SIVA1: variants seen among roughly 807,000 people sequenced by gnomAD.
SIVA1 encodes the protein apoptosis regulatory protein Siva.
In SIVA1, 10 loss-of-function variants were observed where a neutral mutation model predicts 19.7. The observed-to-expected ratio is 0.51, with a 90% CI of 0.31 to 0.86. The LOEUF (loss-of-function observed/expected upper bound fraction) is 0.86, where lower values mean the gene tolerates loss of function less well. Among genes scored for constraint, SIVA1 ranks in the 40% least tolerant of loss-of-function variants. SIVA1 has a pLI of 0.04. For missense variants in SIVA1, 241 were observed against 245.2 expected (o/e 0.98, Z 0.11); for synonymous variants, 130 against 106.1 (o/e 1.23, Z -1.39).
Position 104,759,046 on chromosome 14 carries a change from A to G in SIVA1, c.471-382A>G, listed in dbSNP as rs1891997655. 6.0e-6 allele frequency: 1 copy of G among 167,366 alleles called. No homozygotes were observed. The highest frequency in any genetic ancestry group is 2.4e-5 in the African/African-American group (1 of 41,990). 10.4% of individuals were successfully genotyped at this position (167,366 alleles called of 1,614,324 possible). ...ACTGCCACGTGGCTTTGGAGACCAG[A>G]AGTCTGAGAGGAAGGTGCTGGCAGG... On this transcript the variant is annotated intron_variant, in intron 3 of 3. Coordinates refer to ENST00000329967, the MANE Select transcript of SIVA1 (RefSeq NM_006427.4). The surrounding 1 kb of genome is among the most constrained non-coding windows in gnomAD (Gnocchi z 4.2).
At position 104,756,591 on chromosome 14, in the gene SIVA1, T is replaced by A. The variant is rs752058878; in HGVS notation, c.314-13T>A. Reference sequence around the variant, plus strand: ...TCCTTGCAGCCTGACGGCTTGGCGTTTCTTCCTCACAGACCCATCTGGGGT... The same window carrying A: ...TCCTTGCAGCCTGACGGCTTGGCGTATCTTCCTCACAGACCCATCTGGGGT... On this transcript the variant is annotated splice_polypyrimidine_tract_variant and intron_variant, in intron 2 of 3. Coordinates refer to ENST00000329967, the MANE Select transcript of SIVA1 (RefSeq NM_006427.4). The A allele has an allele frequency of 6.2e-7, 1 of 1,614,082 alleles. No homozygotes were observed. The highest frequency in any genetic ancestry group is 8.5e-7 in the Non-Finnish European group (1 of 1,180,014).
At chr14:104,753,953 T>C (rs1891799681) in intron 1 of SIVA1, 1 of 317,378 alleles carries the variant, frequency 3.2e-6, no homozygotes, top group East Asian at 8.8e-5. Context: ...CTGAGCGGAA[T>C]CCTGTGGGGG....
intron 3 of SIVA1, chr14:104,757,445 T>A: frequency 4.0e-6 from 1 of 249,224 alleles, no homozygotes; most frequent in South Asian, 3.4e-5. Flanking sequence ...ACATGTTACA[T>A]CTCGAGTCCT....
Position 104,756,334 on chromosome 14 carries a change from G to A in SIVA1, c.314-270G>A, listed in dbSNP as rs1891887027. 2.4e-5 allele frequency: 13 copies of A among 548,202 alleles called. No individual in the cohort carries two copies. The South Asian group carries it at 2.6e-4, about 11-fold the overall frequency. The allele number at this position is 548,202 out of a possible 1,614,324, so 34.0% of individuals were successfully genotyped here. A position where few individuals can be genotyped will look rare whatever the true frequency, so the allele number is the denominator to read the frequency against. On this transcript the variant is annotated intron_variant, in intron 2 of 3. Coordinates refer to ENST00000329967, the MANE Select transcript of SIVA1 (RefSeq NM_006427.4). ...GGGAAGAATGGTCCTTCCAGCACTA[G>A]CCTCCAGGTAGCAGAGGGACCTGGT... is the stretch of plus-strand genomic sequence containing the variant.
At chr14:104,757,251 TG>T in intron 3 of SIVA1, 1 of 418,930 alleles carries the variant, frequency 2.4e-6, no homozygotes, top group Admixed American at 2.9e-5. Flanking sequence ...ACTCCTAAGG[TG>T]GGGAGGGGCG....
chr14:104,755,437 C>T (rs1038204817), intron 1 of SIVA1, among the ~76,000 whole-genome samples, 193 bp from the exon 2 acceptor site: 4 of 152,134 alleles, frequency 2.6e-5, no homozygotes, highest in African/African-American at 7.2e-5. Flanking sequence ...AAGGAAAGGA[C>T]GCACAAGCAT....
chr14:104,755,990 C>T (rs1330940487), intron 2 of SIVA1, 166 bp downstream of exon 2: 1 of 729,876 alleles, frequency 1.4e-6, no homozygotes, highest in Non-Finnish European at 2.4e-6. Context: ...GGAGGTCTCA[C>T]ATTCAAGACT....
chr14:104,755,789 G>A lies in SIVA1; in HGVS notation c.278G>A (p.Arg93His), dbSNP rs540956210. 2.0e-5 allele frequency: 33 copies of A among 1,613,906 alleles called. No homozygotes were observed. In the South Asian group the frequency reaches 2.7e-4, roughly 13 times the overall value. Reference protein sequence around the residue: ...RGQMLIGPDGRLIRSLGQASE... With the variant: ...RGQMLIGPDGHLIRSLGQASE... ...CAGATGCTGATTGGACCAGACGGCCGCCTGATCAGGAGCCTTGGGCAGGCC... is the reference window on the plus strand; with the variant it reads ...CAGATGCTGATTGGACCAGACGGCCACCTGATCAGGAGCCTTGGGCAGGCC... The change falls in exon 2 of 4, where the codon CGC (arginine) becomes CAC (histidine). Residue 93 changes from arginine (R) to histidine (H), a missense_variant. Coordinates refer to ENST00000329967, the MANE Select transcript of SIVA1 (RefSeq NM_006427.4).
Position 104,753,244 on chromosome 14 carries a change from C to G in SIVA1, c.43C>G (p.Gln15Glu), listed in dbSNP as rs747059832. ...CCCCTTCGCGGACGTGGCCCCGCTA[C>G]AGCTCAAGGTCCGCGTGAGCCAGAG... Reference protein sequence around the residue: ...SCPFADVAPLQLKVRVSQREL... With the variant: ...SCPFADVAPLELKVRVSQREL... Residue 15 changes from glutamine to glutamate, a missense_variant, in exon 1 of 4, where the codon CAG becomes GAG. Physicochemically the swap from Gln to Glu is conservative, Grantham distance 29. Transcript: ENST00000329967. 4.8e-4 allele frequency: 766 copies of G among 1,594,064 alleles called. 1 individual carries two copies. Among genetic ancestry groups the G allele is most frequent in the Non-Finnish European group, 6.1e-4 (713 of 1,172,678 alleles).
Position 104,756,613 on chromosome 14 carries a change from GGGTAGC to G in SIVA1, c.325_330del (p.Val109_Ala110del). 6.2e-7 allele frequency: 1 copy of G among 1,614,180 alleles called. No homozygotes were observed. ...CGTTTCTTCCTCACAGACCCATCTG[GGGTAGC>G]GTCCATTGCCTGTTCCTCATGCGTG... On this transcript the variant is annotated inframe_deletion, in exon 3 of 4. Transcript: ENST00000329967.
intron 3 of SIVA1, chr14:104,757,240 T>C (rs1363883651): frequency 1.2e-5 from 5 of 405,196 alleles, no homozygotes; most frequent in Non-Finnish European, 2.5e-5. Context: ...ATCCCGTCCT[T>C]ACTCCTAAGG....
intron 2 of SIVA1, chr14:104,756,378 C>A: frequency 1.7e-6 from 1 of 591,102 alleles, no homozygotes; most frequent in South Asian, 2.0e-5. Flanking sequence ...GAGCACTGAA[C>A]TTGGAGTCAA....
At chr14:104,753,606 C>T (rs1027618395) in intron 1 of SIVA1, 3 of 484,916 alleles carry the variant, frequency 6.2e-6, no homozygotes, top group Non-Finnish European at 1.1e-5. Context: ...GGTTAGTCGC[C>T]GCCCTGCAGT....
rs1732809926 is a variant in SIVA1, at chr14:104,759,065, T to A, written c.471-363T>A. The A allele has an allele frequency of 5.6e-6, 1 of 177,082 alleles. No individual in the cohort carries two copies. The highest frequency in any genetic ancestry group is 1.2e-5 in the Non-Finnish European group (1 of 84,138). 11.0% of individuals were successfully genotyped at this position (177,082 alleles called of 1,614,324 possible). ...GACCAGAAGTCTGAGAGGAAGGTGCTGGCAGGGCTGGTTCCTTCTGAGGCT... is the reference window on the plus strand; with the variant it reads ...GACCAGAAGTCTGAGAGGAAGGTGCAGGCAGGGCTGGTTCCTTCTGAGGCT... On this transcript the variant is annotated intron_variant, in intron 3 of 3. Transcript: ENST00000329967. The surrounding 1 kb of genome is among the most constrained non-coding windows in gnomAD (Gnocchi z 4.2).
At position 104,756,311 on chromosome 14, in the gene SIVA1, G is replaced by A. The variant is rs576601370; in HGVS notation, c.314-293G>A. ...CATGGAGTTCTGACAAGCAACAGGG[G>A]AAGAATGGTCCTTCCAGCACTAGCC... On this transcript the variant is annotated intron_variant, in intron 2 of 3. Coordinates refer to ENST00000329967, the MANE Select transcript of SIVA1 (RefSeq NM_006427.4). 2.1e-4 allele frequency: 109 copies of A among 517,308 alleles called. 2 individuals carry two copies. The South Asian group carries it at 2.1e-3, about 10-fold the overall frequency. The allele number at this position is 517,308 out of a possible 1,614,324, so 32.0% of individuals were successfully genotyped here. A position where few individuals can be genotyped will look rare whatever the true frequency, so the allele number is the denominator to read the frequency against.
intron 1 of SIVA1, chr14:104,753,630 C>T (rs1357937914): frequency 4.3e-6 from 2 of 461,702 alleles, no homozygotes; most frequent in African/African-American, 2.0e-5. Flanking sequence ...CGGCACCCGC[C>T]TGGTGCTTTC....
intron 3 of SIVA1, chr14:104,757,277 G>T (rs1188373039): frequency 3.0e-5 from 13 of 440,112 alleles, no homozygotes; most frequent in Non-Finnish European, 5.0e-5. Context: ...CACCCTAGGG[G>T]CTACTCACCT....
intron 1 of SIVA1, 129 bp downstream of exon 1, chr14:104,753,448 C>G (rs1422178949): frequency 1.6e-6 from 1 of 634,330 alleles, no homozygotes; most frequent in East Asian, 3.2e-5. Flanking sequence ...TTCCCGGAAG[C>G]TGGGAGGCCG....
rs914230423 is a variant in SIVA1, at chr14:104,756,453, C to T, written c.314-151C>T. 6.3e-6 allele frequency: 5 copies of T among 790,408 alleles called. No individual in the cohort carries two copies. In the Admixed American group the frequency reaches 1.0e-4, roughly 16 times the overall value. The allele number at this position is 790,408 out of a possible 1,614,324, so 49.0% of individuals were successfully genotyped here. Reference sequence around the variant, plus strand: ...GGGGTCCTGTGCACTGTACCAGGCTCACGGGTTGTCAGAAGGATCCAGTGT... The same window carrying T: ...GGGGTCCTGTGCACTGTACCAGGCTTACGGGTTGTCAGAAGGATCCAGTGT... On this transcript the variant is annotated intron_variant, in intron 2 of 3. Transcript: ENST00000329967.
Sources: allele counts gnomAD v4.1 joint callset (sites outside exome capture counted in the v4.1 genomes callset), GRCh38; gene constraint gnomAD v4.1.1; non-coding constraint Gnocchi (gnomAD v3.1); transcripts MANE v1.5; gene names NCBI Gene and HGNC (gene_info 2026-07-23, HGNC 2026-07-21).